RABGAP1L: variants seen among roughly 807,000 people sequenced by gnomAD.
RABGAP1L encodes rab GTPase-activating protein 1-like.
In RABGAP1L, 63 loss-of-function variants were observed where a neutral mutation model predicts 137.7. That is an observed-to-expected ratio of 0.46 (90% CI 0.37 to 0.56). The LOEUF (loss-of-function observed/expected upper bound fraction) is 0.56. RABGAP1L is among the 20% of genes least tolerant of loss of function. The probability of loss-of-function intolerance (pLI) is 0.00; values close to 1 mark genes in which losing one functional copy is unlikely to be tolerated. For missense variants in RABGAP1L, 1,095 were observed against 1,244.0 expected, an observed-to-expected ratio of 0.88 and a Z score of 1.80; for synonymous variants, 431 against 433.7, an observed-to-expected ratio of 0.99 and a Z score of 0.08.
intron 13 of RABGAP1L, chr1:174,548,010 A>T: frequency 3.2e-6 from 5 of 1,550,590 alleles, no homozygotes. Context: ...AATTGTACAA[A>T]TATGTCCTAA....
chr1:174,809,838 C>A (rs1754356), intron 18 of RABGAP1L, among the ~76,000 whole-genome samples: 142,723 of 152,248 alleles, frequency 0.94, 67,583 homozygotes, highest in East Asian at 1. Context: ...ATAATTCAGC[C>A]GTTGATATTT....
intron 13 of RABGAP1L, among the ~76,000 whole-genome samples, chr1:174,529,614 A>T (rs1343884947): frequency 6.6e-6 from 1 of 152,086 alleles, no homozygotes; most frequent in Non-Finnish European, 1.5e-5. Flanking sequence ...GTGGGCCAAT[A>T]CTTGGGCCTC....
chr1:174,281,622 G>T (rs1216921966), intron 10 of RABGAP1L, among the ~76,000 whole-genome samples: 1 of 152,192 alleles, frequency 6.6e-6, no homozygotes, highest in Non-Finnish European at 1.5e-5. Context: ...AATGCCCAGA[G>T]AACTAGAAAG....
At chr1:174,470,884 C>A (rs1342095652) in intron 13 of RABGAP1L, among the ~76,000 whole-genome samples, 3 of 152,126 alleles carry the variant, frequency 2.0e-5, no homozygotes, top group Admixed American at 6.5e-5. Flanking sequence ...TTTGCCCTAG[C>A]CAAATTAACT....
At chr1:174,711,098 G>A (rs573171950) in intron 17 of RABGAP1L, among the ~76,000 whole-genome samples, 4 of 152,280 alleles carry the variant, frequency 2.6e-5, no homozygotes, top group Admixed American at 6.5e-5. Context: ...GCCCCTCACT[G>A]TCTGGGGCCG....
chr1:174,297,632 G>T (rs1019192167), intron 10 of RABGAP1L, among the ~76,000 whole-genome samples: 11 of 152,122 alleles, frequency 7.2e-5, no homozygotes. Context: ...CTGCTGATAG[G>T]GGGTGCTGTT....
intron 19 of RABGAP1L, among the ~76,000 whole-genome samples, chr1:174,932,114 T>C (rs903564937): frequency 3.4e-5 from 5 of 148,654 alleles, no homozygotes; most frequent in African/African-American, 5.0e-5. Flanking sequence ...CAGAGTAGAA[T>C]TGGTAAATTA....
intron 3 of RABGAP1L, among the ~76,000 whole-genome samples, chr1:174,226,749 C>T (rs12081355): frequency 0.017 from 2,635 of 151,748 alleles, 62 homozygotes; most frequent in African/African-American, 0.061. Context: ...TTAGTATTTG[C>T]ATGGTATATA....
chr1:174,241,002 C>G (rs1671768017), intron 4 of RABGAP1L, among the ~76,000 whole-genome samples: 1 of 151,778 alleles, frequency 6.6e-6, no homozygotes. Context: ...ATTGTTAGTT[C>G]CAGTTTATTT....
rs544842810 is a variant in RABGAP1L, at chr1:174,856,252, C to T, written c.2340+44292C>T. On this transcript the variant is annotated intron_variant, in intron 19 of 25. Transcript: ENST00000681986. Reference sequence around the variant, plus strand: ...TCTACTAAAACTACAAAAAATTAGCCGGGTGTGGTGGCGGGCACCTGTAGT... The same window carrying T: ...TCTACTAAAACTACAAAAAATTAGCTGGGTGTGGTGGCGGGCACCTGTAGT... Among the ~76,000 whole-genome samples the T allele has an allele frequency of 3.5e-4, 53 of 152,006 alleles. 1 individual carries two copies. Among genetic ancestry groups the T allele is most frequent in the South Asian group, 1.7e-3 (8 of 4,816 alleles).
intron 11 of RABGAP1L, among the ~76,000 whole-genome samples, chr1:174,350,133 G>C (rs1453543237): frequency 7.0e-6 from 1 of 142,440 alleles, no homozygotes. Flanking sequence ...GGCCGGGTGG[G>C]GGGGCTGACC....
chr1:174,743,692 A>T (rs950015855), intron 17 of RABGAP1L, among the ~76,000 whole-genome samples: 6 of 151,286 alleles, frequency 4.0e-5, no homozygotes, highest in African/African-American at 9.8e-5. Flanking sequence ...ATGTTTTTTT[A>T]AAAAAAATTC....
intron 11 of RABGAP1L, among the ~76,000 whole-genome samples, chr1:174,369,160 G>A (rs761064852): frequency 6.6e-5 from 10 of 151,984 alleles, no homozygotes; most frequent in Non-Finnish European, 1.0e-4. Context: ...CCTTGTTTGC[G>A]TGACATAGTC....
At chr1:174,400,902 T>C (rs1648498458) in intron 13 of RABGAP1L, among the ~76,000 whole-genome samples, 1 of 152,124 alleles carries the variant, frequency 6.6e-6, no homozygotes, top group Non-Finnish European at 1.5e-5. Flanking sequence ...TATGGTCTTG[T>C]TGGTTTTATA....
chr1:174,803,761 C>T (rs1353645911), intron 18 of RABGAP1L, among the ~76,000 whole-genome samples: 1 of 151,884 alleles, frequency 6.6e-6, no homozygotes, highest in Non-Finnish European at 1.5e-5. Context: ...AATATTTCCA[C>T]CCACCCTACC....
intron 13 of RABGAP1L, among the ~76,000 whole-genome samples, chr1:174,623,856 C>T (rs1162490900): frequency 1.3e-5 from 2 of 152,192 alleles, no homozygotes; most frequent in African/African-American, 2.4e-5. Context: ...GGCTAGAAGT[C>T]ACCTATTACT....
chr1:174,732,006 T>C (rs1572960366), intron 17 of RABGAP1L, among the ~76,000 whole-genome samples: 1 of 152,104 alleles, frequency 6.6e-6, no homozygotes, highest in African/African-American at 2.4e-5. Context: ...ATTGAGACCA[T>C]CCTGGCCAAC....
rs141096687 is a variant in RABGAP1L at position 174,415,258 on chromosome 1, T to G, written c.1710+21113T>G. Reference sequence around the variant, plus strand: ...TTCCTTTTTCCCTGTATTAAATCTTTACATTTTCTAGATTAACAATTTATT... The same window carrying G: ...TTCCTTTTTCCCTGTATTAAATCTTGACATTTTCTAGATTAACAATTTATT... On this transcript the variant is annotated intron_variant, in intron 13 of 25. Transcript: ENST00000681986. Among the ~76,000 whole-genome samples, 546 of 152,242 alleles carry G rather than the reference T, an allele frequency of 3.6e-3. 1 individual carries two copies. Among genetic ancestry groups the G allele is most frequent in the Non-Finnish European group, 6.0e-3 (408 of 67,950 alleles).
At chr1:174,317,924 A>T (rs540265145) in intron 11 of RABGAP1L, among the ~76,000 whole-genome samples, 1 of 152,204 alleles carries the variant, frequency 6.6e-6, no homozygotes, top group South Asian at 2.1e-4. Flanking sequence ...CTAACAGGAC[A>T]GCACTAAGTT....
Sources: gnomAD v4.1 joint callset for allele counts (sites outside exome capture counted in the v4.1 genomes callset) on GRCh38, gnomAD v4.1.1 for gene constraint, MANE v1.5 for transcripts, NCBI Gene and HGNC (gene_info 2026-07-23, HGNC 2026-07-21) for gene names.